PRELID2: variants seen among roughly 807,000 people sequenced by gnomAD.
PRELID2 encodes PRELI domain-containing protein 2.
PRELID2 carries 25 observed loss-of-function variants against 28.4 expected under a neutral mutation model. The ratio of observed to expected loss-of-function variants is 0.88; its 90% CI spans 0.64 to 1.23. The LOEUF is 1.23. PRELID2 is among the 50% of genes most tolerant of loss of function. The pLI, the probability that PRELID2 is intolerant of heterozygous loss-of-function variation, is 0.00. For synonymous variants in PRELID2, 76 were observed against 71.6 expected (o/e 1.06, Z -0.31); for missense variants, 201 against 214.4 (o/e 0.94, Z 0.39).
rs149245870 is a variant in PRELID2, at chr5:145,569,007, C to T, written n.71-95692G>A. ...TGTTTGAAACTTTCCTATTTTCATGCTTCCTTCATGCTGTTTCAAAGAAAC... is the reference window on the plus strand; with the variant it reads ...TGTTTGAAACTTTCCTATTTTCATGTTTCCTTCATGCTGTTTCAAAGAAAC... On this transcript the variant is annotated intron_variant and non_coding_transcript_variant, in intron 1 of 2. Coordinates refer to the PRELID2 transcript ENST00000510259. 4.2e-4 allele frequency among the ~76,000 whole-genome samples: 64 copies of T among 152,326 alleles called. 1 individual carries two copies. The highest frequency in any genetic ancestry group is 1.5e-3 in the African/African-American group (61 of 41,586).
intron 1 of PRELID2, chr5:145,729,160 A>C: frequency 1.6e-6 from 1 of 631,854 alleles, no homozygotes; most frequent in Admixed American, 2.3e-5. Flanking sequence ...ACTTTTGTCA[A>C]GTCCTTCAAA....
At chr5:145,586,132 G>C (rs1354261370) in intron 1 of PRELID2, among the ~76,000 whole-genome samples, 1 of 152,012 alleles carries the variant, frequency 6.6e-6, no homozygotes, top group African/African-American at 2.4e-5. Context: ...AAAAAATGCA[G>C]GGGACAGAAG....
chr5:145,583,395 C>G (rs1030811973), intron 1 of PRELID2, among the ~76,000 whole-genome samples: 1 of 152,122 alleles, frequency 6.6e-6, no homozygotes, highest in African/African-American at 2.4e-5. Context: ...CAAGGATGCC[C>G]TCTCTCACCA....
rs574974643 is a variant in PRELID2, at chr5:145,770,598, A to G, written c.475-5598T>C. Among the ~76,000 whole-genome samples, 12 of 152,308 alleles carry G rather than the reference A, an allele frequency of 7.9e-5. No individual in the cohort carries two copies. The East Asian group carries it at 2.1e-3, about 27-fold the overall frequency. On this transcript the variant is annotated intron_variant, in intron 5 of 6. Transcript: ENST00000683046. ...TGTTATCACAGCAGATGACAGCTCCATGTTACTGCCCCTGAAGACTTTCCA... is the reference window on the plus strand; with the variant it reads ...TGTTATCACAGCAGATGACAGCTCCGTGTTACTGCCCCTGAAGACTTTCCA...
chr5:145,272,929 T>A, the PRELID2 span, among the ~76,000 whole-genome samples: 1 of 152,104 alleles, frequency 6.6e-6, no homozygotes, highest in Non-Finnish European at 1.5e-5. Flanking sequence ...CAGCACCTTC[T>A]GGAGAGTTTG....
At chr5:145,679,083 T>A (rs995985107) in intron 1 of PRELID2, among the ~76,000 whole-genome samples, 1 of 152,188 alleles carries the variant, frequency 6.6e-6, no homozygotes, top group Non-Finnish European at 1.5e-5. Flanking sequence ...GTCCTCTGCA[T>A]TTGGGAAAGG....
chr5:145,600,067 T>C (rs1163684218), intron 1 of PRELID2, among the ~76,000 whole-genome samples: 1 of 148,590 alleles, frequency 6.7e-6, no homozygotes, highest in Admixed American at 6.6e-5. Flanking sequence ...CTGTGACATT[T>C]TTAAAAGTTG....
chr5:145,465,756 C>T, the PRELID2 span, among the ~76,000 whole-genome samples: 9 of 151,980 alleles, frequency 5.9e-5, no homozygotes, highest in Non-Finnish European at 7.4e-5. Flanking sequence ...AAATATTGTC[C>T]GAGAAAACTT....
At chr5:145,444,633 C>T in the PRELID2 span, among the ~76,000 whole-genome samples, 1 of 151,978 alleles carries the variant, frequency 6.6e-6, no homozygotes, top group East Asian at 1.9e-4. Context: ...CATTAGCCCC[C>T]TCCCTTTTTT....
At chr5:145,399,768 T>G in the PRELID2 span, among the ~76,000 whole-genome samples, 1 of 152,032 alleles carries the variant, frequency 6.6e-6, no homozygotes, top group African/African-American at 2.4e-5. Context: ...ACATGGCTGG[T>G]GAGGCCTCAC....
chr5:145,415,272 C>CT, the PRELID2 span, among the ~76,000 whole-genome samples: 1 of 151,510 alleles, frequency 6.6e-6, no homozygotes, highest in African/African-American at 2.4e-5. Flanking sequence ...ATTTTATTTT[C>CT]TTTTTTTCTT....
At chr5:145,383,341 C>A in the PRELID2 span, among the ~76,000 whole-genome samples, 1 of 151,108 alleles carries the variant, frequency 6.6e-6, no homozygotes, top group Non-Finnish European at 1.5e-5. Context: ...TATACACACA[C>A]ACACACATAC....
At chr5:145,552,583 C>T (rs1401711333) in intron 1 of PRELID2, among the ~76,000 whole-genome samples, 4 of 151,956 alleles carry the variant, frequency 2.6e-5, no homozygotes, top group Admixed American at 2.0e-4. Context: ...GAGATGCTTG[C>T]TGAAAATAGA....
intron 5 of PRELID2, among the ~76,000 whole-genome samples, chr5:145,779,670 T>C (rs1758660563): frequency 6.6e-6 from 1 of 152,328 alleles, no homozygotes. Context: ...TTATCATTTA[T>C]GAAGTATTTA....
intron 1 of PRELID2, among the ~76,000 whole-genome samples, chr5:145,477,683 A>G (rs1752115611): frequency 6.6e-6 from 1 of 152,232 alleles, no homozygotes. Context: ...ATAAAATTCT[A>G]CTATAAATAC....
chr5:145,330,652 ATTC>A, the PRELID2 span, among the ~76,000 whole-genome samples: 2 of 151,716 alleles, frequency 1.3e-5, no homozygotes, highest in Non-Finnish European at 2.9e-5. Context: ...TGTCTATTTG[ATTC>A]TTTTCTCTTT....
intron 1 of PRELID2, among the ~76,000 whole-genome samples, chr5:145,504,197 G>C (rs2126636254): frequency 6.6e-6 from 1 of 152,304 alleles, no homozygotes; most frequent in East Asian, 1.9e-4. Context: ...TAGCAGGGCA[G>C]TGCCTGGCTG....
the PRELID2 span, among the ~76,000 whole-genome samples, chr5:145,447,434 C>A: frequency 1.7e-5 from 2 of 119,450 alleles, no homozygotes; most frequent in African/African-American, 5.9e-5. Context: ...TTAATGAAAT[C>A]TTTTCTTTTT....
At chr5:145,712,466 T>C (rs1050231910) in intron 1 of PRELID2, among the ~76,000 whole-genome samples, 2 of 152,180 alleles carry the variant, frequency 1.3e-5, no homozygotes, top group Non-Finnish European at 2.9e-5. Context: ...GACTTTTCTT[T>C]CCAAAGATCC....
Sources: gnomAD v4.1 joint callset for allele counts (sites outside exome capture counted in the v4.1 genomes callset) on GRCh38, gnomAD v4.1.1 for gene constraint, MANE v1.5 for transcripts, NCBI Gene and HGNC (gene_info 2026-07-23, HGNC 2026-07-21) for gene names.